Variants in COL22A1 observed in about 807,000 individuals in gnomAD.
COL22A1 encodes the protein collagen alpha-1(XXII) chain.
A neutral mutation model predicts 248.9 loss-of-function variants in COL22A1; 221 were observed. The ratio of observed to expected loss-of-function variants is 0.89; its 90% confidence interval spans 0.80 to 0.99. COL22A1 has a LOEUF of 0.99. COL22A1 is among the 50% of genes least tolerant of loss of function. The pLI, the probability that COL22A1 is intolerant of heterozygous loss-of-function variation, is 0.00. For synonymous variants in COL22A1, 891 were observed against 793.4 expected (o/e 1.12, Z -2.07); for missense variants, 2,240 against 2,179.0 (o/e 1.03, Z -0.56).
chr8:138,903,238 G>C (rs907403982), intron 1 of COL22A1, among the ~76,000 whole-genome samples: 1 of 152,118 alleles, frequency 6.6e-6, no homozygotes, highest in Non-Finnish European at 1.5e-5. Flanking sequence ...CCTGAAGCCA[G>C]GACATTGTTC....
At chr8:138,649,548 G>A (rs1199621772) in intron 46 of COL22A1, 117 bp downstream of exon 46, 6 of 1,498,776 alleles carry the variant, frequency 4.0e-6, no homozygotes, top group South Asian at 1.3e-5. Context: ...CATCTATCTT[G>A]AATCTTGAAC....
chr8:138,722,081 AG>A lies in COL22A1; in HGVS notation c.2255del (p.Pro752LeufsTer63), dbSNP rs1172435290. The A allele has an allele frequency of 1.3e-6, 2 of 1,583,422 alleles. No homozygotes were observed. Among genetic ancestry groups the A allele is most frequent in the South Asian group, 2.3e-5 (2 of 86,494 alleles). ...GTGGTCCATTTGGCCCGTCCTTTCC[AG>A]GGGGTCCCTGGGCCAAGAGGGGAAA... Reference protein sequence around the residue: ...KPGPPGPTGPPGKDGPNGPPG... With the variant: ...KPGPPGPTGPXGKDGPNGPPG... On this transcript the variant is annotated frameshift_variant, in exon 26 of 65. Transcript: ENST00000303045. LOFTEE classifies it high-confidence loss of function.
chr8:138,901,365 T>TTTTTG lies in COL22A1; in HGVS notation c.-73+12253_-73+12254insCAAAA, dbSNP rs1192389429. ...TCCACTCATTACTGGCAGGTTTTTTTTTTGTTTTTTTTTTTTTTTGAGACA... is the reference window on the plus strand; with the variant it reads ...TCCACTCATTACTGGCAGGTTTTTTTTTTTGTTTGTTTTTTTTTTTTTTTGAGACA... On this transcript the variant is annotated intron_variant, in intron 1 of 64. Transcript: ENST00000303045. 7.4e-4 allele frequency among the ~76,000 whole-genome samples: 25 copies of TTTTTG among 33,586 alleles called. 1 individual carries two copies. The highest frequency in any genetic ancestry group is 1.5e-3 in the Non-Finnish European group (15 of 10,292). 22.0% of individuals were successfully genotyped at this position (33,586 alleles called of 152,430 possible). A position where few individuals can be genotyped will look rare whatever the true frequency, so the allele number is the denominator to read the frequency against.
intron 29 of COL22A1, 36 bp from the exon 30 acceptor site, chr8:138,715,771 C>T (rs1282265000): frequency 3.4e-6 from 5 of 1,483,128 alleles, no homozygotes; most frequent in Non-Finnish European, 4.7e-6. Context: ...ACATTAGAAC[C>T]CAAACCGAGC....
At chr8:138,801,628 T>G (rs1225416788) in intron 11 of COL22A1, among the ~76,000 whole-genome samples, 1 of 152,160 alleles carries the variant, frequency 6.6e-6, no homozygotes, top group African/African-American at 2.4e-5. Flanking sequence ...TAAATGAGGC[T>G]TTACCCCAGC....
intron 9 of COL22A1, 86 bp downstream of exon 9, chr8:138,811,713 G>A: frequency 6.5e-7 from 1 of 1,531,722 alleles, no homozygotes; most frequent in Non-Finnish European, 9.0e-7. Context: ...GTGCCCCCCT[G>A]ACCTGAAAGG....
chr8:138,846,513 T>A (rs1821254115), intron 3 of COL22A1, among the ~76,000 whole-genome samples: 1 of 152,154 alleles, frequency 6.6e-6, no homozygotes, highest in Non-Finnish European at 1.5e-5. Flanking sequence ...TCTGGGGCCA[T>A]CACTAAGCCT....
intron 39 of COL22A1, 34 bp downstream of exon 39, chr8:138,684,391 G>C: frequency 6.7e-7 from 1 of 1,502,618 alleles, no homozygotes. Context: ...ACGGCAACTC[G>C]TGGCACCCAC....
rs192987376 is a variant in COL22A1 at position 138,732,917 on chromosome 8, G to A, written c.2139+4607C>T. Among the ~76,000 whole-genome samples the A allele has an allele frequency of 4.3e-3, 650 of 152,344 alleles. 8 individuals carry two copies. Among genetic ancestry groups the A allele is most frequent in the Non-Finnish European group, 3.6e-3 (242 of 68,038 alleles). Reference sequence around the variant, plus strand: ...GGATTTATAAAGTTAGATGGAATTTGAAGATGCATGAAAATTACTTGCATA... The same window carrying A: ...GGATTTATAAAGTTAGATGGAATTTAAAGATGCATGAAAATTACTTGCATA... On this transcript the variant is annotated intron_variant, in intron 23 of 64. Transcript: ENST00000303045.
chr8:138,665,258 TG>T (rs1393702185), intron 41 of COL22A1, among the ~76,000 whole-genome samples: 1 of 152,178 alleles, frequency 6.6e-6, no homozygotes, highest in African/African-American at 2.4e-5. Flanking sequence ...CTGATAGCTG[TG>T]CAGAGACAGG....
intron 1 of COL22A1, among the ~76,000 whole-genome samples, chr8:138,892,502 C>T (rs73353926): frequency 0.012 from 1,807 of 152,290 alleles, 30 homozygotes; most frequent in African/African-American, 0.04. Context: ...AGGTTGCAGC[C>T]CCAGCAAGCA....
chr8:138,658,692 G>T lies in COL22A1; in HGVS notation c.3285+1744C>A, dbSNP rs145606523. ...TATCATTTTACTGTAATAAACCATT[G>T]CCATGAGCATAACAGCTTTTCTGAG... On this transcript the variant is annotated intron_variant, in intron 44 of 64. Transcript: ENST00000303045. Among the ~76,000 whole-genome samples, 184 of 152,238 alleles carry T rather than the reference G, an allele frequency of 1.2e-3. 1 individual carries two copies. Among genetic ancestry groups the T allele is most frequent in the African/African-American group, 4.2e-3 (176 of 41,534 alleles).
chr8:138,771,298 G>A (rs1351819555), intron 16 of COL22A1, among the ~76,000 whole-genome samples: 1 of 152,232 alleles, frequency 6.6e-6, no homozygotes, highest in East Asian at 1.9e-4. Flanking sequence ...AAATACGCCA[G>A]CATTCTGCCT....
At chr8:138,844,675 G>T (rs956603718) in intron 3 of COL22A1, among the ~76,000 whole-genome samples, 4 of 152,212 alleles carry the variant, frequency 2.6e-5, no homozygotes, top group African/African-American at 9.6e-5. Flanking sequence ...ACATGTCCGG[G>T]CGCGGTGGCT....
At position 138,785,507 on chromosome 8, in the gene COL22A1, C is replaced by T. The variant is rs147651044; in HGVS notation, c.1597-4527G>A. On this transcript the variant is annotated intron_variant, in intron 12 of 64. Transcript: ENST00000303045. ...ATAGTGCCTCCCTCCAGAATCAGGC[C>T]GCTGGGGGTGACTCGCCTGAGATGT... 9.1e-4 allele frequency among the ~76,000 whole-genome samples: 138 copies of T among 152,318 alleles called. 1 individual carries two copies. The highest frequency in any genetic ancestry group is 3.2e-3 in the African/African-American group (131 of 41,586).
chr8:138,900,128 C>T (rs1310679066), intron 1 of COL22A1, among the ~76,000 whole-genome samples: 3 of 152,148 alleles, frequency 2.0e-5, no homozygotes, highest in Admixed American at 6.5e-5. Flanking sequence ...AAGACTATAC[C>T]GCCCAGAAGG....
chr8:138,895,395 A>G (rs533035775), intron 1 of COL22A1, among the ~76,000 whole-genome samples: 5 of 152,206 alleles, frequency 3.3e-5, no homozygotes, highest in South Asian at 2.1e-4. Flanking sequence ...AAATGCTTCA[A>G]TAAACCATAA....
At chr8:138,912,783 G>C (rs965912298) in intron 1 of COL22A1, among the ~76,000 whole-genome samples, 3 of 151,836 alleles carry the variant, frequency 2.0e-5, no homozygotes, top group African/African-American at 7.3e-5. Context: ...TGGGGCTCTG[G>C]AAGATGACAA....
intron 34 of COL22A1, 98 bp from the exon 35 acceptor site, chr8:138,693,797 A>G (rs1215707969): frequency 7.6e-7 from 1 of 1,308,786 alleles, no homozygotes. Flanking sequence ...GCTCATCAGA[A>G]GCATTATTCC....
Sources: allele counts gnomAD v4.1 joint callset (sites outside exome capture counted in the v4.1 genomes callset), GRCh38; gene constraint gnomAD v4.1.1; transcripts MANE v1.5; gene names NCBI Gene and HGNC (gene_info 2026-07-23, HGNC 2026-07-21).